FAM193A: variants seen among roughly 807,000 people sequenced by gnomAD.
FAM193A encodes the protein protein FAM193A.
A neutral mutation model predicts 126.5 loss-of-function variants in FAM193A; 22 were observed. The ratio of observed to expected loss-of-function variants is 0.17; its 90% CI spans 0.12 to 0.25. FAM193A has a LOEUF of 0.25. FAM193A is among the 10% of genes least tolerant of loss of function. The pLI, the probability that FAM193A is intolerant of heterozygous loss-of-function variation, is 1.00. For missense variants in FAM193A, 1,675 were observed against 1,672.8 expected, an observed-to-expected ratio of 1.00 and a Z score of -0.02; for synonymous variants, 761 against 646.8, an observed-to-expected ratio of 1.18 and a Z score of -2.68.
intron 2 of FAM193A, among the ~76,000 whole-genome samples, chr4:2,601,227 CTTTTT>C (rs1201989388): frequency 9.0e-6 from 1 of 110,668 alleles, no homozygotes; most frequent in African/African-American, 3.4e-5. Context: ...TCTTCTTCTT[CTTTTT>C]TTTTTTTTTT....
intron 20 of FAM193A, among the ~76,000 whole-genome samples, chr4:2,725,110 C>T (rs1720576622): frequency 6.6e-6 from 1 of 152,124 alleles, no homozygotes; most frequent in Non-Finnish European, 1.5e-5. Flanking sequence ...AACTCCTGAG[C>T]TCAGGTAATC....
At chr4:2,640,900 G>A (rs959969662) in intron 6 of FAM193A, among the ~76,000 whole-genome samples, 12 of 151,594 alleles carry the variant, frequency 7.9e-5, no homozygotes, top group Admixed American at 3.9e-4. Context: ...CAGAGGCAGA[G>A]GTTGCAGTGA....
chr4:2,612,177 T>A (rs1169134452), intron 2 of FAM193A, among the ~76,000 whole-genome samples: 1 of 151,780 alleles, frequency 6.6e-6, no homozygotes, highest in African/African-American at 2.4e-5. Context: ...TTGTGTTCCA[T>A]GTAAGAAATC....
intron 6 of FAM193A, among the ~76,000 whole-genome samples, chr4:2,641,108 T>C (rs138965665): frequency 0.029 from 4,345 of 151,378 alleles, 219 homozygotes; most frequent in African/African-American, 0.099. Context: ...TGGCACAATC[T>C]CAGCTCACTG....
At chr4:2,727,026 C>T (rs1720833954) in intron 20 of FAM193A, among the ~76,000 whole-genome samples, 1 of 151,570 alleles carries the variant, frequency 6.6e-6, no homozygotes, top group Non-Finnish European at 1.5e-5. Context: ...TTTGGGAGGC[C>T]AAAGCGGGCG....
chr4:2,669,664 T>G (rs1560545758), intron 12 of FAM193A, among the ~76,000 whole-genome samples: 2 of 152,170 alleles, frequency 1.3e-5, no homozygotes, highest in African/African-American at 4.8e-5. Flanking sequence ...AGCTTTAGAC[T>G]CACAGCAAAG....
At chr4:2,691,456 TG>T (rs761208388) in intron 15 of FAM193A, among the ~76,000 whole-genome samples, 2 of 152,170 alleles carry the variant, frequency 1.3e-5, no homozygotes, top group Non-Finnish European at 2.9e-5. Flanking sequence ...TCTGAGCATG[TG>T]GCAAGATTTC....
chr4:2,665,705 T>A (rs1002630687), intron 12 of FAM193A, among the ~76,000 whole-genome samples: 8 of 152,158 alleles, frequency 5.3e-5, no homozygotes, highest in Non-Finnish European at 8.8e-5. Context: ...AAAAAAACTT[T>A]CTGTAGAGAG....
chr4:2,675,077 A>G (rs190897320), intron 13 of FAM193A, among the ~76,000 whole-genome samples: 1 of 152,290 alleles, frequency 6.6e-6, no homozygotes, highest in African/African-American at 2.4e-5. Flanking sequence ...ACTGATTTCT[A>G]CTTTAATTCC....
At position 2,626,589 on chromosome 4, in the gene FAM193A, C is replaced by T. The variant is rs975185663; in HGVS notation, c.803+12C>T. ...GAGCTCGTGGATAGGTACATACTGC[C>T]CTTTCCTGTTGTGGCCCCATGCAAA... On this transcript the variant is annotated intron_variant, in intron 4 of 20. Coordinates refer to ENST00000637812, the MANE Select transcript of FAM193A (RefSeq NM_001366318.2). The T allele has an allele frequency of 1.5e-6, 1 of 686,220 alleles. No individual in the cohort carries two copies. The highest frequency in any genetic ancestry group is 1.8e-5 in the African/African-American group (1 of 56,902). The allele number at this position is 686,220 out of a possible 1,614,324, so 42.5% of individuals were successfully genotyped here.
intron 2 of FAM193A, among the ~76,000 whole-genome samples, chr4:2,610,048 A>G (rs1200548879): frequency 4.6e-5 from 7 of 151,994 alleles, no homozygotes; most frequent in Non-Finnish European, 1.0e-4. Context: ...CCTGGCCAAC[A>G]TGATGAAACC....
chr4:2,535,824 G>A (rs1736843930), upstream of FAM193A, among the ~76,000 whole-genome samples: 2 of 152,294 alleles, frequency 1.3e-5, no homozygotes, highest in East Asian at 3.9e-4. Flanking sequence ...CAGGGAGAGG[G>A]CGGGCTCGGG....
Position 2,719,653 on chromosome 4 carries a change from G to A in FAM193A, c.4454+3549G>A, listed in dbSNP as rs549028147. On this transcript the variant is annotated intron_variant, in intron 20 of 20. Transcript: ENST00000637812. ...CCAGCTACTCGGGAGGCTAAGGCAGGAGAATCACTTGAACCTGGGAGGCGG... is the reference window on the plus strand; with the variant it reads ...CCAGCTACTCGGGAGGCTAAGGCAGAAGAATCACTTGAACCTGGGAGGCGG... 4.6e-5 allele frequency among the ~76,000 whole-genome samples: 7 copies of A among 150,976 alleles called. No homozygotes were observed. The South Asian group carries it at 1.5e-3, about 31-fold the overall frequency.
At chr4:2,616,382 G>A (rs1742186874) in intron 2 of FAM193A, among the ~76,000 whole-genome samples, 2 of 151,988 alleles carry the variant, frequency 1.3e-5, no homozygotes, top group Admixed American at 6.6e-5. Flanking sequence ...ATCATCTCTT[G>A]TAGCTTAGGA....
At chr4:2,713,352 G>A (rs909840978) in intron 19 of FAM193A, among the ~76,000 whole-genome samples, 11 of 152,156 alleles carry the variant, frequency 7.2e-5, no homozygotes, top group African/African-American at 2.7e-4. Flanking sequence ...GTTGCAGTGA[G>A]CTGAGATCGT....
At chr4:2,547,419 T>C (rs1055027320) in intron 1 of FAM193A, among the ~76,000 whole-genome samples, 6 of 151,966 alleles carry the variant, frequency 3.9e-5, no homozygotes, top group Admixed American at 2.6e-4. Flanking sequence ...ACAATAATAA[T>C]AATAATTCTT....
chr4:2,643,116 A>G (rs1028276193), intron 6 of FAM193A, among the ~76,000 whole-genome samples: 1 of 152,186 alleles, frequency 6.6e-6, no homozygotes, highest in Non-Finnish European at 1.5e-5. Flanking sequence ...AAACACAGAC[A>G]GGGACAGAAT....
At chr4:2,592,140 G>A (rs1319091854) in intron 1 of FAM193A, among the ~76,000 whole-genome samples, 2 of 151,836 alleles carry the variant, frequency 1.3e-5, no homozygotes, top group East Asian at 3.9e-4. Flanking sequence ...TGCCCAGGCT[G>A]GAATGCAGTG....
chr4:2,694,783 C>T (rs231710), intron 16 of FAM193A, among the ~76,000 whole-genome samples, 163 bp from the exon 17 acceptor site: 121,102 of 152,016 alleles, frequency 0.8, 48,358 homozygotes, highest in Middle Eastern at 0.87. Context: ...ACGTGAGCCC[C>T]TTGCTGCTTG....
Sources: allele counts gnomAD v4.1 joint callset (sites outside exome capture counted in the v4.1 genomes callset), GRCh38; gene constraint gnomAD v4.1.1; transcripts MANE v1.5; gene names NCBI Gene and HGNC (gene_info 2026-07-23, HGNC 2026-07-21).